RPH3A: variants seen among roughly 807,000 people sequenced by gnomAD.
RPH3A encodes rabphilin-3A.
A neutral mutation model predicts 102.2 loss-of-function variants in RPH3A; 48 were observed. The ratio of observed to expected loss-of-function variants is 0.47; its 90% CI spans 0.37 to 0.60. The LOEUF is 0.60. Among genes scored for constraint, RPH3A ranks in the 20% least tolerant of loss-of-function variants. The pLI is 0.00. For missense variants in RPH3A, 781 were observed against 910.1 expected, an observed-to-expected ratio of 0.86 and a Z score of 1.83; for synonymous variants, 310 against 324.3, an observed-to-expected ratio of 0.96 and a Z score of 0.47.
chr12:112,836,395 A>T (rs2042051232), intron 3 of RPH3A, 96 bp from the exon 4 acceptor site: 4 of 600,556 alleles, frequency 6.7e-6, no homozygotes, highest in Non-Finnish European at 1.1e-5. Context: ...AATTCAAGCT[A>T]CGTGAGTGTT....
intron 1 of RPH3A, among the ~76,000 whole-genome samples, chr12:112,755,279 T>G (rs2040814822): frequency 6.9e-6 from 1 of 144,332 alleles, no homozygotes; most frequent in South Asian, 2.3e-4. Flanking sequence ...ATAAGTAAAA[T>G]TGAATATATA....
upstream of RPH3A, among the ~76,000 whole-genome samples, chr12:112,790,176 C>T (rs2041083188): frequency 6.6e-6 from 1 of 152,040 alleles, no homozygotes; most frequent in African/African-American, 2.4e-5. Context: ...CCTGCCTCCA[C>T]CTCCCGAGTA....
chr12:112,765,452 C>G (rs7965971), intron 1 of RPH3A, among the ~76,000 whole-genome samples: 36,643 of 152,008 alleles, frequency 0.24, 5,214 homozygotes, highest in African/African-American at 0.38. Flanking sequence ...TCACAGAACA[C>G]AGCATGAACA....
intron 1 of RPH3A, among the ~76,000 whole-genome samples, chr12:112,735,753 T>A (rs141247940): frequency 0.012 from 1,808 of 152,148 alleles, 37 homozygotes; most frequent in African/African-American, 0.041. Flanking sequence ...CTTCCCCACC[T>A]CCCCCCAAGC....
At chr12:112,745,974 G>A (rs1429406784) in intron 1 of RPH3A, among the ~76,000 whole-genome samples, 2 of 152,100 alleles carry the variant, frequency 1.3e-5, no homozygotes, top group African/African-American at 2.4e-5. Context: ...GAGCTTCCCC[G>A]AGGAAATCCA....
In RPH3A at chr12:112,792,165, C is replaced by T. The variant is rs1292594579; in HGVS notation, c.-117C>T. 2 of 152,166 alleles carry T rather than the reference C, an allele frequency of 1.3e-5. No individual in the cohort carries two copies. The highest frequency in any genetic ancestry group is 4.8e-5 in the African/African-American group (2 of 41,438). The allele number at this position is 152,166 out of a possible 1,614,324, so 9.4% of individuals were successfully genotyped here. ...CAGGCACCTCCGCTGAGCTTTTAAACCAAGTCATTGGGACTTAGCGTCTTT... is the reference window on the plus strand; with the variant it reads ...CAGGCACCTCCGCTGAGCTTTTAAATCAAGTCATTGGGACTTAGCGTCTTT... On this transcript the variant is annotated 5_prime_UTR_variant, in exon 2 of 22. Coordinates refer to ENST00000389385, the MANE Select transcript of RPH3A (RefSeq NM_001143854.2).
intron 1 of RPH3A, among the ~76,000 whole-genome samples, chr12:112,730,929 A>C (rs543788937): frequency 1.3e-5 from 2 of 152,262 alleles, no homozygotes; most frequent in East Asian, 3.9e-4. Context: ...GATCTCTGTA[A>C]TTTACCAGCT....
chr12:112,788,504 TTG>T (rs1350424822), upstream of RPH3A, among the ~76,000 whole-genome samples: 4 of 152,198 alleles, frequency 2.6e-5, no homozygotes, highest in African/African-American at 9.7e-5. Flanking sequence ...TGCTCCCTGG[TTG>T]TGTGAGTTTG....
chr12:112,815,052 AAAGCTATGACCTTCAG>A (rs1297872017), intron 2 of RPH3A, among the ~76,000 whole-genome samples: 2 of 152,152 alleles, frequency 1.3e-5, no homozygotes, highest in African/African-American at 4.8e-5. Flanking sequence ...CCTCCTGACA[AAAGCTATGACCTTCAG>A]AAGAATATAC....
intron 4 of RPH3A, chr12:112,837,880 C>CCCCTCCCTCCCACCTTTCCT: frequency 2.2e-6 from 1 of 450,320 alleles, no homozygotes; most frequent in Non-Finnish European, 4.5e-6. Context: ...CCCTCCTTCC[C>CCCCTCCCTCCCACCTTTCCT]CCCTCCCTCC....
At chr12:112,856,164 T>G (rs2042407566) in intron 5 of RPH3A, among the ~76,000 whole-genome samples, 1 of 152,318 alleles carries the variant, frequency 6.6e-6, no homozygotes, top group Admixed American at 6.5e-5. Flanking sequence ...AGGGTGTCTC[T>G]CCCAGGCTCT....
intron 1 of RPH3A, among the ~76,000 whole-genome samples, chr12:112,733,066 T>A (rs7299944): frequency 0.012 from 1,849 of 152,186 alleles, 39 homozygotes; most frequent in African/African-American, 0.042. Flanking sequence ...AGGCTCTGGG[T>A]CACCTCCCCT....
chr12:112,792,208 G>C lies in RPH3A; in HGVS notation c.-74G>C, dbSNP rs776635983. 5.3e-5 allele frequency: 8 copies of C among 152,188 alleles called. No individual in the cohort carries two copies. The highest frequency in any genetic ancestry group is 8.8e-5 in the Non-Finnish European group (6 of 68,038). The allele number at this position is 152,188 out of a possible 1,614,324, so 9.4% of individuals were successfully genotyped here. A position where few individuals can be genotyped will look rare whatever the true frequency, so the allele number is the denominator to read the frequency against. ...GCGTCTTTCTACCCGGCAGGGAAGG[G>C]AGGAGTTGGCAAGAATTTGGCTCAC... On this transcript the variant is annotated 5_prime_UTR_variant, in exon 2 of 22. Transcript: ENST00000389385.
intron 1 of RPH3A, among the ~76,000 whole-genome samples, chr12:112,729,860 A>T (rs946145443): frequency 6.6e-6 from 1 of 152,200 alleles, no homozygotes; most frequent in African/African-American, 2.4e-5. Context: ...TCAAGTCCTA[A>T]CCCCTAATAC....
At chr12:112,850,270 G>A (rs2042302378) in intron 5 of RPH3A, among the ~76,000 whole-genome samples, 1 of 152,052 alleles carries the variant, frequency 6.6e-6, no homozygotes, top group Admixed American at 6.5e-5. Flanking sequence ...GATTATCGTG[G>A]TGAGTTGTAC....
rs188360297 is a variant in RPH3A, at chr12:112,719,879, C to G, written c.-139-72264C>G. Among the ~76,000 whole-genome samples the G allele has an allele frequency of 2.0e-5, 3 of 152,304 alleles. No homozygotes were observed. The East Asian group carries it at 5.8e-4, about 29-fold the overall frequency. On this transcript the variant is annotated intron_variant, in intron 1 of 21. Coordinates refer to the RPH3A transcript ENST00000543106. ...TTGTATATGCTGCATCTCACCACCACCTTGTTTTTCTATCTTTATTCATTA... is the reference window on the plus strand; with the variant it reads ...TTGTATATGCTGCATCTCACCACCAGCTTGTTTTTCTATCTTTATTCATTA...
intron 1 of RPH3A, among the ~76,000 whole-genome samples, chr12:112,645,704 C>G (rs989868974): frequency 6.6e-6 from 1 of 152,124 alleles, no homozygotes; most frequent in African/African-American, 2.4e-5. Context: ...TAGGATGTCT[C>G]TTAAGTATCT....
intron 2 of RPH3A, among the ~76,000 whole-genome samples, chr12:112,796,428 C>T (rs185031452): frequency 8.1e-4 from 124 of 152,218 alleles, no homozygotes; most frequent in African/African-American, 2.9e-3. Flanking sequence ...TTCTGGTGTC[C>T]GGGTCAGCAC....
At chr12:112,770,451 T>G (rs1321557958) in intron 1 of RPH3A, among the ~76,000 whole-genome samples, 1 of 152,184 alleles carries the variant, frequency 6.6e-6, no homozygotes, top group Non-Finnish European at 1.5e-5. Flanking sequence ...GCTCAAGTGA[T>G]CTTCCCATCT....
Sources: allele counts gnomAD v4.1 joint callset (sites outside exome capture counted in the v4.1 genomes callset), GRCh38; gene constraint gnomAD v4.1.1; transcripts MANE v1.5; gene names NCBI Gene and HGNC (gene_info 2026-07-23, HGNC 2026-07-21).